The following TMEM242 variants were observed in gnomAD, a reference collection of about 807,000 sequenced individuals.
TMEM242 encodes transmembrane protein 242, also known as UPF0463 transmembrane protein C6orf35.
A neutral mutation model predicts 18.2 loss-of-function variants in TMEM242; 10 were observed. That is an observed-to-expected ratio of 0.55 (90% CI 0.34 to 0.93). TMEM242 has a LOEUF of 0.93. TMEM242 is among the 40% of genes least tolerant of loss of function. TMEM242 has a pLI of 0.02. For synonymous variants in TMEM242, 57 were observed against 69.9 expected (o/e 0.81, Z 0.92); for missense variants, 186 against 175.5 (o/e 1.06, Z -0.34).
In TMEM242 at chr6:157,318,771, T is replaced by C; in HGVS notation, c.327+11A>G. 4.3e-6 allele frequency: 7 copies of C among 1,613,904 alleles called. No individual in the cohort carries two copies. The highest frequency in any genetic ancestry group is 5.9e-6 in the Non-Finnish European group (7 of 1,179,964). On this transcript the variant is annotated intron_variant, in intron 3 of 3. Coordinates refer to ENST00000400788, the MANE Select transcript of TMEM242 (RefSeq NM_018452.6). Reference sequence around the variant, plus strand: ...CATGTAGATACCAGGGACAAGACAGTAGTTACTTACACTGTGAACTCCTAA... The same window carrying C: ...CATGTAGATACCAGGGACAAGACAGCAGTTACTTACACTGTGAACTCCTAA...
intron 3 of TMEM242, among the ~76,000 whole-genome samples, chr6:157,317,398 G>C (rs782554116): frequency 6.6e-6 from 1 of 152,052 alleles, no homozygotes; most frequent in Non-Finnish European, 1.5e-5. Context: ...TTTCTTCACC[G>C]GGTGTCCAAG....
In TMEM242 at chr6:157,305,207, T is replaced by TGTGGAGAGATGAAGGAGGCAGGCG; in HGVS notation, c.328-12232_328-12209dup. Among the ~76,000 whole-genome samples, 1 of 151,942 alleles carries TGTGGAGAGATGAAGGAGGCAGGCG rather than the reference T, an allele frequency of 6.6e-6. No homozygotes were observed. The highest frequency in any genetic ancestry group is 2.4e-5 in the African/African-American group (1 of 41,440). ...AAACACTAGGCAACAGAGGAATGGA[T>TGTGGAGAGATGAAGGAGGCAGGCG]GTGGAGAGATGAAGGAGGCAGGCGG... On this transcript the variant is annotated intron_variant, in intron 3 of 3. Transcript: ENST00000400788. This position sits in a 1 kb window ranked among gnomAD's most constrained non-coding sequence, Gnocchi z 4.1.
chr6:157,313,387 C>CAG (rs1778268615), intron 3 of TMEM242, among the ~76,000 whole-genome samples: 2 of 4,394 alleles, frequency 4.6e-4, no homozygotes, highest in Non-Finnish European at 8.9e-4. Flanking sequence ...TCAGTGTACG[C>CAG]TCACCGGGCC....
intron 3 of TMEM242, among the ~76,000 whole-genome samples, chr6:157,304,462 CAAAAAA>C (rs782782714): frequency 3.0e-5 from 2 of 67,260 alleles, no homozygotes; most frequent in Admixed American, 2.0e-4. Context: ...GAGACTCTGT[CAAAAAA>C]AAAAAAAAAA....
chr6:157,300,274 GGCCTTGCCAGC>G lies in TMEM242; in HGVS notation c.328-7286_328-7276del, dbSNP rs1348013211. 4 of 328,752 alleles carry G rather than the reference GGCCTTGCCAGC, an allele frequency of 1.2e-5. No homozygotes were observed. The East Asian group carries it at 2.7e-4, about 22-fold the overall frequency. 20.4% of individuals were successfully genotyped at this position (328,752 alleles called of 1,614,324 possible). ...CCTGGCCCTCTACTGCGGCTGCGCG[GGCCTTGCCAGC>G]GCCTTCAACATGTACTTTCCGTTGG... On this transcript the variant is annotated intron_variant, in intron 3 of 3. Transcript: ENST00000400788.
chr6:157,300,917 GATT>G (rs1485006432), intron 3 of TMEM242, among the ~76,000 whole-genome samples: 2 of 152,180 alleles, frequency 1.3e-5, no homozygotes, highest in African/African-American at 2.4e-5. Flanking sequence ...GCATAAATCA[GATT>G]ATTGACCAAA....
intron 3 of TMEM242, among the ~76,000 whole-genome samples, chr6:157,312,222 G>A (rs201361570): frequency 0.15 from 19,914 of 135,950 alleles, 1,148 homozygotes; most frequent in East Asian, 0.42. Context: ...CGTCATCATA[G>A]TGCCCCAGTG....
intron 3 of TMEM242, among the ~76,000 whole-genome samples, chr6:157,300,706 C>T (rs1237488464): frequency 1.3e-5 from 2 of 152,202 alleles, no homozygotes; most frequent in African/African-American, 4.8e-5. Context: ...GGAGCTTGAG[C>T]AGGGTAGGGG....
chr6:157,314,350 CAT>C, intron 3 of TMEM242, among the ~76,000 whole-genome samples: 1 of 151,964 alleles, frequency 6.6e-6, no homozygotes, highest in Non-Finnish European at 1.5e-5. Flanking sequence ...CTGGCCTCAT[CAT>C]AGTGTCCCAG....
intron 3 of TMEM242, among the ~76,000 whole-genome samples, chr6:157,301,864 G>A (rs879949835): frequency 3.3e-5 from 5 of 152,070 alleles, no homozygotes; most frequent in African/African-American, 4.8e-5. Context: ...CCCTGGAGGC[G>A]GAGGTTGCAG....
chr6:157,300,576 C>T (rs1163858713), intron 3 of TMEM242, among the ~76,000 whole-genome samples: 4 of 152,242 alleles, frequency 2.6e-5, no homozygotes, highest in Non-Finnish European at 5.9e-5. Context: ...CCTGCACCAT[C>T]TCCCAGTGTC....
chr6:157,294,475 C>G (rs1045733722), intron 3 of TMEM242, among the ~76,000 whole-genome samples: 5 of 150,072 alleles, frequency 3.3e-5, no homozygotes, highest in African/African-American at 1.2e-4. Context: ...CTCAGCCTCC[C>G]AAGTAGCTGG....
chr6:157,307,183 C>A (rs143883494), intron 3 of TMEM242, among the ~76,000 whole-genome samples: 96 of 152,278 alleles, frequency 6.3e-4, no homozygotes, highest in African/African-American at 2.2e-3. Context: ...GAGATCTGCT[C>A]ATGTGTGCCC....
rs145124280 is a variant in TMEM242 at position 157,308,490 on chromosome 6, C to G, written c.327+10292G>C. Among the ~76,000 whole-genome samples the G allele has an allele frequency of 4.6e-5, 7 of 152,288 alleles. 1 individual carries two copies. The highest frequency in any genetic ancestry group is 1.7e-4 in the African/African-American group (7 of 41,542). ...AGAGGAAAGATACAATATTACTTCC[C>G]TTAAAGATTCTCTTGTAATAGGAAA... On this transcript the variant is annotated intron_variant, in intron 3 of 3. Transcript: ENST00000400788.
At chr6:157,304,462 C>CAAAAAAAAAAAA (rs782782714) in intron 3 of TMEM242, among the ~76,000 whole-genome samples, 1 of 67,260 alleles carries the variant, frequency 1.5e-5, no homozygotes. Flanking sequence ...GAGACTCTGT[C>CAAAAAAAAAAAA]AAAAAAAAAA....
chr6:157,312,910 G>A (rs1234803649), intron 3 of TMEM242, among the ~76,000 whole-genome samples: 93 of 4,612 alleles, frequency 0.02, 3 homozygotes, highest in Admixed American at 0.081. Context: ...CCCACTGTGC[G>A]CTCACCCGGC....
intron 3 of TMEM242, among the ~76,000 whole-genome samples, chr6:157,303,904 T>C (rs1777867274): frequency 6.6e-6 from 1 of 151,848 alleles, no homozygotes; most frequent in Non-Finnish European, 1.5e-5. Flanking sequence ...CTGGGAAAAC[T>C]GGAGGAAAGA....
At chr6:157,309,300 G>A (rs782803990) in intron 3 of TMEM242, among the ~76,000 whole-genome samples, 1 of 151,706 alleles carries the variant, frequency 6.6e-6, no homozygotes, top group Non-Finnish European at 1.5e-5. Context: ...TTTTAAACGA[G>A]TACATATTTT....
At position 157,322,730 on chromosome 6, in the gene TMEM242, T is replaced by G. The variant is rs1554250817; in HGVS notation, c.164A>C (p.Lys55Thr). Residue 55 changes from lysine to threonine, a missense_variant, in exon 2 of 4, where the codon AAG (lysine) becomes ACG (threonine). Physicochemically the swap from Lys to Thr is moderately conservative, Grantham distance 78. Transcript: ENST00000400788. ...GFITTLSLAK[K>T]KSPEWFNKGS... The stretch of plus-strand genomic sequence containing the variant: ...CTTATTGAACCATTCAGGGCTTTTC[T>G]TTTTAGCCAATGATAATGTTGTAAT... The G allele has an allele frequency of 6.2e-6, 10 of 1,613,920 alleles. No individual in the cohort carries two copies. The highest frequency in any genetic ancestry group is 8.5e-6 in the Non-Finnish European group (10 of 1,179,906).
Sources: allele counts gnomAD v4.1 joint callset (sites outside exome capture counted in the v4.1 genomes callset), GRCh38; gene constraint gnomAD v4.1.1; non-coding constraint Gnocchi (gnomAD v3.1); transcripts MANE v1.5; gene names NCBI Gene and HGNC (gene_info 2026-07-23, HGNC 2026-07-21).